ARHGEF3: variants seen among roughly 807,000 people sequenced by gnomAD.
ARHGEF3 encodes Rho guanine nucleotide exchange factor 3, also known as 59.8 kDA protein.
A neutral mutation model predicts 63.2 loss-of-function variants in ARHGEF3; 28 were observed. The observed-to-expected ratio is 0.44, with a 90% CI of 0.33 to 0.61. The LOEUF is 0.61. Ranked by LOEUF, ARHGEF3 falls within the 20% of genes least tolerant of loss-of-function variation. The probability of loss-of-function intolerance (pLI) is 0.03; values close to 1 mark genes in which losing one functional copy is unlikely to be tolerated. For missense variants in ARHGEF3, 533 were observed against 659.3 expected, an observed-to-expected ratio of 0.81 and a Z score of 2.10; for synonymous variants, 266 against 254.2, an observed-to-expected ratio of 1.05 and a Z score of -0.44.
At chr3:56,765,009 G>A (rs1053858039) in intron 2 of ARHGEF3, among the ~76,000 whole-genome samples, 3 of 151,920 alleles carry the variant, frequency 2.0e-5, no homozygotes, top group African/African-American at 4.8e-5. Context: ...CGCCTGTCTC[G>A]GCCTCCCAAA....
Position 56,946,176 on chromosome 3 carries a change from G to GA in ARHGEF3, c.129+12646dup, listed in dbSNP as rs538752774. On this transcript the variant is annotated intron_variant, in intron 3 of 12. Coordinates refer to the ARHGEF3 transcript ENST00000338458. ...AGGTAGATAAAACCACAAAGATGGG[G>GA]AAAAAACAGAGCAGAAAATCTAGAA... Among the ~76,000 whole-genome samples the GA allele has an allele frequency of 4.9e-3, 746 of 152,204 alleles. 8 individuals are homozygous for GA. The highest frequency in any genetic ancestry group is 0.017 in the African/African-American group (696 of 41,518).
intron 4 of ARHGEF3, among the ~76,000 whole-genome samples, chr3:56,853,972 G>T (rs947231974): frequency 2.6e-5 from 4 of 152,122 alleles, no homozygotes; most frequent in Non-Finnish European, 1.5e-5. Flanking sequence ...GAGGAGGGTG[G>T]ATCACGAGGT....
chr3:56,806,905 GAC>G (rs1164461310), upstream of ARHGEF3, among the ~76,000 whole-genome samples: 2 of 149,324 alleles, frequency 1.3e-5, no homozygotes, highest in Non-Finnish European at 3.0e-5. Context: ...TTTTTTTTGA[GAC>G]ACAGTCTTGC....
Position 56,732,199 on chromosome 3 carries a change from A to G in ARHGEF3, c.1228+39T>C, listed in dbSNP as rs745478236. On this transcript the variant is annotated intron_variant, in intron 9 of 9. Transcript: ENST00000296315. ...CCACTCCCTCCAAACTACCACGGCC[A>G]AAAACATTCAACAGGTCAACCCCGA... The G allele has an allele frequency of 1.9e-6, 3 of 1,610,098 alleles. No homozygotes were observed. The South Asian group carries it at 3.3e-5, about 18-fold the overall frequency.
chr3:57,035,678 G>A (rs1054051442), intron 1 of ARHGEF3, among the ~76,000 whole-genome samples: 5 of 152,232 alleles, frequency 3.3e-5, no homozygotes, highest in African/African-American at 1.2e-4. Flanking sequence ...CATCCCTGCA[G>A]GGAGATATAG....
intron 3 of ARHGEF3, among the ~76,000 whole-genome samples, chr3:56,929,116 C>CTGCA (rs2042347601): frequency 6.6e-6 from 1 of 152,152 alleles, no homozygotes; most frequent in East Asian, 1.9e-4. Flanking sequence ...GACAAAAAGG[C>CTGCA]TGCAATTTGG....
chr3:56,747,882 G>T (rs897167280), intron 6 of ARHGEF3, among the ~76,000 whole-genome samples: 9 of 152,174 alleles, frequency 5.9e-5, no homozygotes, highest in Non-Finnish European at 1.3e-4. Context: ...TCACACAGCT[G>T]TCAGTGACTC....
At chr3:56,858,834 G>A (rs1446337477) in intron 4 of ARHGEF3, among the ~76,000 whole-genome samples, 1 of 151,814 alleles carries the variant, frequency 6.6e-6, no homozygotes, top group Non-Finnish European at 1.5e-5. Flanking sequence ...CAGGTGGGCA[G>A]GAGCCTAGAC....
At chr3:56,902,931 A>G (rs918987124) in intron 3 of ARHGEF3, among the ~76,000 whole-genome samples, 1 of 152,210 alleles carries the variant, frequency 6.6e-6, no homozygotes, top group Non-Finnish European at 1.5e-5. Context: ...CCCAAATGAC[A>G]GCAAATGCCA....
In ARHGEF3 at chr3:57,054,309, G is replaced by T. The variant is rs560388407; in HGVS notation, c.-27-19133C>A. 2.4e-4 allele frequency among the ~76,000 whole-genome samples: 37 copies of T among 152,060 alleles called. 1 individual carries two copies. The highest frequency in any genetic ancestry group is 6.8e-3 in the Middle Eastern group (2 of 294). The stretch of plus-strand genomic sequence containing the variant: ...ATTTGGATATTCATTTTGATGATAT[G>T]CTTGCTCAAGTCTTTTATCCTTTTA... On this transcript the variant is annotated intron_variant, in intron 1 of 12. Transcript: ENST00000338458.
chr3:57,040,474 CA>C (rs1704134643), intron 1 of ARHGEF3, among the ~76,000 whole-genome samples: 2 of 144,524 alleles, frequency 1.4e-5, no homozygotes, highest in African/African-American at 5.3e-5. Flanking sequence ...AAGACTCCGT[CA>C]AAAGAAAAGA....
intron 3 of ARHGEF3, among the ~76,000 whole-genome samples, chr3:56,908,402 C>T (rs887869872): frequency 1.3e-5 from 2 of 152,220 alleles, no homozygotes; most frequent in African/African-American, 4.8e-5. Context: ...ATCTCCGCGT[C>T]CGTATACACA....
In ARHGEF3 at chr3:57,002,424, C is replaced by CTATATATATATATATATATATATATA. The variant is rs55778548; in HGVS notation, c.62+32663_62+32664insTATATATATATATATATATATATATA. On this transcript the variant is annotated intron_variant, in intron 2 of 12. Coordinates refer to the ARHGEF3 transcript ENST00000338458. ...TATATGCCAGGCACTGTTCTAAGCA[C>CTATATATATATATATATATATATATA]TATATATATATATATATGCCAGGCA... Among the ~76,000 whole-genome samples the CTATATATATATATATATATATATATA allele has an allele frequency of 1.3e-3, 79 of 62,758 alleles. 3 individuals carry two copies. Among genetic ancestry groups the CTATATATATATATATATATATATATA allele is most frequent in the African/African-American group, 1.6e-3 (32 of 19,640 alleles). 41.2% of individuals were successfully genotyped at this position (62,758 alleles called of 152,430 possible). A position where few individuals can be genotyped will look rare whatever the true frequency, so the allele number is the denominator to read the frequency against.
At chr3:56,939,564 AAC>A (rs1304706753) in intron 3 of ARHGEF3, among the ~76,000 whole-genome samples, 1 of 152,240 alleles carries the variant, frequency 6.6e-6, no homozygotes, top group African/African-American at 2.4e-5. Context: ...ATGGCTTAAG[AAC>A]ACAATTTTCT....
chr3:57,042,162 T>C (rs1413935590), intron 1 of ARHGEF3, among the ~76,000 whole-genome samples: 4 of 152,124 alleles, frequency 2.6e-5, no homozygotes, highest in Admixed American at 1.3e-4. Flanking sequence ...AAATGAAAAG[T>C]TCCTATGCCC....
At chr3:56,750,952 T>C (rs1463108253) in intron 6 of ARHGEF3, 104 bp downstream of exon 6, 3 of 842,996 alleles carry the variant, frequency 3.6e-6, no homozygotes, top group African/African-American at 3.6e-5. Context: ...GAAACCAACA[T>C]TTGTAAAAAA....
chr3:56,793,109 T>C (rs1312145762), intron 1 of ARHGEF3, among the ~76,000 whole-genome samples: 1 of 152,016 alleles, frequency 6.6e-6, no homozygotes, highest in Non-Finnish European at 1.5e-5. Flanking sequence ...GTTCAAGCAA[T>C]TCTCCTGCCT....
intron 2 of ARHGEF3, among the ~76,000 whole-genome samples, chr3:56,973,296 C>T (rs1700997727): frequency 1.3e-5 from 2 of 152,064 alleles, no homozygotes; most frequent in African/African-American, 2.4e-5. Context: ...GGATTACAGG[C>T]GTGAGCCACC....
At chr3:56,807,302 T>C (rs1380926130) in intron 4 of ARHGEF3, among the ~76,000 whole-genome samples, 2 of 152,216 alleles carry the variant, frequency 1.3e-5, no homozygotes, top group Non-Finnish European at 2.9e-5. Context: ...CCTCCTCTTC[T>C]CCACCCATTC....
Sources: allele counts gnomAD v4.1 joint callset (sites outside exome capture counted in the v4.1 genomes callset), GRCh38; gene constraint gnomAD v4.1.1; transcripts MANE v1.5; gene names NCBI Gene and HGNC (gene_info 2026-07-23, HGNC 2026-07-21).